Variants in SPTBN4 observed in about 807,000 individuals in gnomAD.
The protein encoded by SPTBN4 is spectrin beta chain, non-erythrocytic 4.
In SPTBN4, 96 loss-of-function variants were observed where a neutral mutation model predicts 277.8. The ratio of observed to expected loss-of-function variants is 0.35; its 90% CI spans 0.29 to 0.41. SPTBN4 has a LOEUF of 0.41. Among genes scored for constraint, SPTBN4 ranks in the 10% least tolerant of loss-of-function variants. SPTBN4 has a pLI of 1.00. For synonymous variants in SPTBN4, 1,481 were observed against 1,580.3 expected (o/e 0.94, Z 1.49); for missense variants, 3,006 against 3,595.7 (o/e 0.84, Z 4.19).
intron 2 of SPTBN4, among the ~76,000 whole-genome samples, chr19:40,478,684 T>C (rs1337456000): frequency 1.3e-5 from 2 of 152,164 alleles, no homozygotes; most frequent in Admixed American, 6.6e-5. Context: ...TAGTTGGTAT[T>C]ACAGGCGCCC....
At chr19:40,553,454 C>G (rs1339875106) in intron 22 of SPTBN4, among the ~76,000 whole-genome samples, 1 of 152,102 alleles carries the variant, frequency 6.6e-6, no homozygotes, top group Non-Finnish European at 1.5e-5. Flanking sequence ...GAGTGACACC[C>G]TGTCTCTAAA....
intron 35 of SPTBN4, among the ~76,000 whole-genome samples, chr19:40,575,070 T>C (rs1251230954): frequency 6.6e-6 from 1 of 151,294 alleles, no homozygotes; most frequent in Non-Finnish European, 1.5e-5. Context: ...ATTAAATTGC[T>C]CCATGTTTAA....
chr19:40,492,107 C>G (rs993873990), intron 4 of SPTBN4, among the ~76,000 whole-genome samples: 1 of 151,728 alleles, frequency 6.6e-6, no homozygotes, highest in African/African-American at 2.4e-5. Context: ...AGCTGAGAGC[C>G]CAGGGAGGAG....
intron 26 of SPTBN4, among the ~76,000 whole-genome samples, 194 bp from the exon 27 acceptor site, chr19:40,559,965 T>C (rs1568376079): frequency 6.6e-6 from 1 of 152,190 alleles, no homozygotes; most frequent in African/African-American, 2.4e-5. Context: ...AGAGATGTGG[T>C]AGTAGATCTA....
At chr19:40,480,770 T>G (rs936226084) in intron 2 of SPTBN4, among the ~76,000 whole-genome samples, 1 of 151,984 alleles carries the variant, frequency 6.6e-6, no homozygotes, top group African/African-American at 2.4e-5. Context: ...CTACTATAAA[T>G]GGTGGTGTTG....
chr19:40,564,093 G>A (rs531929086), intron 27 of SPTBN4, among the ~76,000 whole-genome samples: 36 of 151,734 alleles, frequency 2.4e-4, no homozygotes, highest in South Asian at 8.3e-4. Flanking sequence ...GGTGGCTCAC[G>A]CCTGTAATCC....
chr19:40,517,124 T>C (rs937528323), intron 15 of SPTBN4, among the ~76,000 whole-genome samples: 2 of 152,140 alleles, frequency 1.3e-5, no homozygotes, highest in African/African-American at 4.8e-5. Context: ...TTATCTAATA[T>C]ATCCAGTCTT....
chr19:40,485,759 T>C (rs1480909386), intron 2 of SPTBN4, among the ~76,000 whole-genome samples: 1 of 151,970 alleles, frequency 6.6e-6, no homozygotes, highest in Non-Finnish European at 1.5e-5. Flanking sequence ...TGAGCCATGA[T>C]TGTGGCACTG....
chr19:40,573,979 G>A (rs755713502), intron 35 of SPTBN4, among the ~76,000 whole-genome samples: 9 of 151,988 alleles, frequency 5.9e-5, no homozygotes, highest in East Asian at 1.9e-4. Context: ...GCGGGCGCCT[G>A]TAGTCCCAGC....
chr19:40,500,840 G>A (rs1342940155), intron 7 of SPTBN4, among the ~76,000 whole-genome samples: 2 of 149,686 alleles, frequency 1.3e-5, no homozygotes, highest in African/African-American at 4.9e-5. Context: ...GCTTGAGACT[G>A]TCTCAAAAAA....
At chr19:40,468,925 C>T (rs1026254720) in intron 1 of SPTBN4, among the ~76,000 whole-genome samples, 4 of 152,030 alleles carry the variant, frequency 2.6e-5, no homozygotes, top group Admixed American at 2.0e-4. Context: ...ATAGTGAGAC[C>T]CCCTCTCTAC....
At chr19:40,566,477 C>CA in intron 30 of SPTBN4, 118 bp downstream of exon 30, 1 of 939,910 alleles carries the variant, frequency 1.1e-6, no homozygotes, top group Non-Finnish European at 1.5e-6. Flanking sequence ...GTGTGAGTGC[C>CA]AAGACAGACT....
chr19:40,538,403 AAAGAG>A lies in SPTBN4; in HGVS notation c.4359+4063_4359+4067del, dbSNP rs1262950939. Reference sequence around the variant, plus strand: ...GAGACTCTGTCTCAAAAAAAAAAAAAAAGAGAAAGAAAGAAAGAACGGCAGCCAGA... The same window carrying A: ...GAGACTCTGTCTCAAAAAAAAAAAAAAAAGAAAGAAAGAACGGCAGCCAGA... On this transcript the variant is annotated intron_variant, in intron 20 of 35. Coordinates refer to ENST00000598249, the MANE Select transcript of SPTBN4 (RefSeq NM_020971.3). 6.3e-4 allele frequency among the ~76,000 whole-genome samples: 95 copies of A among 151,338 alleles called. 1 individual carries two copies. Among genetic ancestry groups the A allele is most frequent in the African/African-American group, 2.1e-3 (87 of 41,076 alleles).
Position 40,570,560 on chromosome 19 carries a change from C to T in SPTBN4, c.7151C>T (p.Pro2384Leu), listed in dbSNP as rs538461377. The T allele has an allele frequency of 1.5e-6, 2 of 1,354,724 alleles. No individual in the cohort carries two copies. The highest frequency in any genetic ancestry group is 3.7e-5 in the South Asian group (2 of 54,038). 83.9% of individuals were successfully genotyped at this position (1,354,724 alleles called of 1,614,324 possible). ...ARDRPKPRRR[P>L]RPREGGEGGG... ...GACCGGCCCAAGCCGCGACGGCGGC[C>T]GCGGCCCAGAGAGGGTGGTGAGGGC... is the stretch of plus-strand genomic sequence containing the variant. Residue 2384 changes from proline (P) to leucine (L), a missense_variant, in exon 33 of 36, where the codon CCG (proline) becomes CTG (leucine). Physicochemically the swap from Pro to Leu is moderately conservative, Grantham distance 98. Coordinates refer to ENST00000598249, the MANE Select transcript of SPTBN4 (RefSeq NM_020971.3).
Position 40,519,492 on chromosome 19 carries a change from G to C in SPTBN4, c.2995G>C (p.Val999Leu), listed in dbSNP as rs2080498086. The change falls in exon 16 of 36, where the codon GTG (valine) becomes CTG (leucine). Residue 999 changes from valine to leucine, a missense_variant. Physicochemically the swap from Val to Leu is conservative, Grantham distance 32 (BLOSUM62 1). Around this residue, in one of 5 missense-constraint regions of SPTBN4, gnomAD observed 1,759 missense variants for 2,061.5 expected, o/e 0.85. Transcript: ENST00000598249. This position sits in a 1 kb window ranked among gnomAD's most constrained non-coding sequence, Gnocchi z 5.7. ...VENHVLEVAE[V>L]RAQVREKRRA... ...GAACCACGTGCTGGAGGTGGCCGAG[G>C]TGCGCGCCCAGGTGCGTGAGAAGCG... 6.2e-7 allele frequency: 1 copy of C among 1,609,538 alleles called. No homozygotes were observed. The highest frequency in any genetic ancestry group is 2.3e-5 in the East Asian group (1 of 44,094).
chr19:40,527,708 T>C lies in SPTBN4; in HGVS notation c.3858-1333T>C, dbSNP rs141289380. ...GTTACCACAGAGTGAGGGGGAAGAG[T>C]GCAAGGAGAATAAGAGTTTGGAAAG... On this transcript the variant is annotated intron_variant, in intron 17 of 35. Coordinates refer to ENST00000598249, the MANE Select transcript of SPTBN4 (RefSeq NM_020971.3). Among the ~76,000 whole-genome samples the C allele has an allele frequency of 3.0e-3, 448 of 150,642 alleles. 5 individuals carry two copies. Among genetic ancestry groups the C allele is most frequent in the East Asian group, 0.01 (52 of 5,120 alleles).
At chr19:40,477,650 G>T (rs1215885191) in intron 2 of SPTBN4, among the ~76,000 whole-genome samples, 3 of 152,194 alleles carry the variant, frequency 2.0e-5, no homozygotes, top group Non-Finnish European at 4.4e-5. Flanking sequence ...ATCAAGGAGG[G>T]CTTCTTGGAG....
intron 1 of SPTBN4, among the ~76,000 whole-genome samples, chr19:40,469,277 T>C (rs1215468640): frequency 6.6e-6 from 1 of 152,100 alleles, no homozygotes; most frequent in East Asian, 1.9e-4. Context: ...TTTTCCTTTT[T>C]CTTTTGAGAA....
At chr19:40,482,417 T>G (rs940510048) in intron 2 of SPTBN4, among the ~76,000 whole-genome samples, 19 of 151,500 alleles carry the variant, frequency 1.3e-4, no homozygotes, top group Admixed American at 9.9e-4. Flanking sequence ...GGAGCAAGAG[T>G]TGAGAACTGA....
Sources: gnomAD v4.1 joint callset for allele counts (sites outside exome capture counted in the v4.1 genomes callset) on GRCh38, gnomAD v4.1.1 for gene constraint, gnomAD v4.1.1 regional missense constraint, Gnocchi (gnomAD v3.1) non-coding constraint, MANE v1.5 for transcripts, NCBI Gene and HGNC (gene_info 2026-07-23, HGNC 2026-07-21) for gene names.